The following FSTL5 variants were observed in gnomAD, a reference collection of about 807,000 sequenced individuals.
FSTL5 encodes the protein follistatin-related protein 5.
In FSTL5, 62 loss-of-function variants were observed where a neutral mutation model predicts 89.1. That is an observed-to-expected ratio of 0.70 (90% confidence interval 0.57 to 0.86). The LOEUF (loss-of-function observed/expected upper bound fraction) is 0.86. Ranked by LOEUF, FSTL5 falls within the 40% of genes least tolerant of loss-of-function variation. FSTL5 has a pLI of 0.00. For missense variants in FSTL5, 1,057 were observed against 1,001.6 expected, an observed-to-expected ratio of 1.06 and a Z score of -0.75; for synonymous variants, 383 against 346.2, an observed-to-expected ratio of 1.11 and a Z score of -1.18.
At chr4:161,510,136 C>A (rs1378779227) in intron 11 of FSTL5, among the ~76,000 whole-genome samples, 4 of 152,000 alleles carry the variant, frequency 2.6e-5, no homozygotes, top group Admixed American at 6.6e-5. Context: ...GCTTTTGTTT[C>A]TTTGGTGTAA....
At chr4:161,641,433 G>A (rs1380227640) in intron 7 of FSTL5, among the ~76,000 whole-genome samples, 3 of 108,386 alleles carry the variant, frequency 2.8e-5, no homozygotes, top group Non-Finnish European at 5.7e-5. Context: ...GGTAGGTGGA[G>A]CTGTTAAAGA....
At chr4:161,570,169 A>C (rs1207433958) in intron 8 of FSTL5, among the ~76,000 whole-genome samples, 1 of 152,154 alleles carries the variant, frequency 6.6e-6, no homozygotes, top group Non-Finnish European at 1.5e-5. Flanking sequence ...AGGTGAAAAA[A>C]CTGTGCTGTG....
At chr4:161,615,365 C>T (rs1239140174) in intron 7 of FSTL5, among the ~76,000 whole-genome samples, 1 of 140,710 alleles carries the variant, frequency 7.1e-6, no homozygotes, top group Non-Finnish European at 1.5e-5. Flanking sequence ...ACTTGGGAGG[C>T]TGAGGCAGCA....
intron 6 of FSTL5, among the ~76,000 whole-genome samples, chr4:161,697,110 A>G (rs573973773): frequency 3.5e-4 from 53 of 152,334 alleles, no homozygotes; most frequent in African/African-American, 1.2e-3. Flanking sequence ...TCAGATCTCC[A>G]TAGCACAAAG....
intron 1 of FSTL5, among the ~76,000 whole-genome samples, chr4:162,154,882 A>G (rs974992903): frequency 6.6e-6 from 1 of 152,142 alleles, no homozygotes; most frequent in African/African-American, 2.4e-5. Context: ...AGAACAGCCT[A>G]CGACATATTA....
At chr4:161,720,463 A>G (rs1739158417) in intron 6 of FSTL5, among the ~76,000 whole-genome samples, 1 of 152,158 alleles carries the variant, frequency 6.6e-6, no homozygotes, top group South Asian at 2.1e-4. Context: ...GATCAGTCAA[A>G]AAATTAAAAA....
intron 1 of FSTL5, among the ~76,000 whole-genome samples, chr4:162,111,797 T>C (rs1283271016): frequency 6.6e-6 from 1 of 152,138 alleles, no homozygotes; most frequent in Non-Finnish European, 1.5e-5. Flanking sequence ...TTGAGTATGT[T>C]TGATGAACAA....
chr4:161,778,380 T>C (rs1415365754), intron 4 of FSTL5, among the ~76,000 whole-genome samples: 4 of 152,194 alleles, frequency 2.6e-5, no homozygotes, highest in Non-Finnish European at 5.9e-5. Context: ...AACTTTATAA[T>C]TATGATCAAT....
intron 6 of FSTL5, among the ~76,000 whole-genome samples, chr4:161,677,396 A>C (rs558358154): frequency 6.6e-6 from 1 of 152,130 alleles, no homozygotes; most frequent in South Asian, 2.1e-4. Flanking sequence ...GCATAATCTA[A>C]GATTGAAATC....
chr4:162,101,028 G>A (rs908686711), intron 2 of FSTL5, among the ~76,000 whole-genome samples: 3 of 152,168 alleles, frequency 2.0e-5, no homozygotes, highest in African/African-American at 7.2e-5. Context: ...AAGGGGCCAT[G>A]GTTTTAATCC....
Position 161,992,962 on chromosome 4 carries a change from ATGTGTG to A in FSTL5, c.160+40657_160+40662del, listed in dbSNP as rs1553989566. On this transcript the variant is annotated intron_variant, in intron 3 of 15. Coordinates refer to ENST00000306100, the MANE Select transcript of FSTL5 (RefSeq NM_020116.5). ...TATATGTGTGTATATCTATATATAT[ATGTGTG>A]TATATATATATATGCAAGTAGTGAC... Among the ~76,000 whole-genome samples, 162 of 128,062 alleles carry A rather than the reference ATGTGTG, an allele frequency of 1.3e-3. 4 individuals carry two copies. The highest frequency in any genetic ancestry group is 4.6e-3 in the African/African-American group (155 of 33,918). 84.0% of individuals were successfully genotyped at this position (128,062 alleles called of 152,430 possible). A position where few individuals can be genotyped will look rare whatever the true frequency, so the allele number is the denominator to read the frequency against.
chr4:162,073,699 G>C lies in FSTL5; in HGVS notation c.126+37572C>G, dbSNP rs77048805. Among the ~76,000 whole-genome samples the C allele has an allele frequency of 6.5e-4, 98 of 151,768 alleles. No homozygotes were observed. The East Asian group carries it at 0.014, about 21-fold the overall frequency. ...ATTTTTGTCAGGGTAATATTTAATT[G>C]GTAGGGAAATTAATAGTTCTAAATC... On this transcript the variant is annotated intron_variant, in intron 2 of 15. Coordinates refer to ENST00000306100, the MANE Select transcript of FSTL5 (RefSeq NM_020116.5).
chr4:161,586,722 G>A (rs1733630131), intron 8 of FSTL5, among the ~76,000 whole-genome samples: 1 of 152,044 alleles, frequency 6.6e-6, no homozygotes, highest in Admixed American at 6.6e-5. Flanking sequence ...AGTCTACAGG[G>A]CTCCATGTGA....
rs369052783 is a variant in FSTL5 at position 161,759,551 on chromosome 4, C to T, written c.607-20G>A. The stretch of plus-strand genomic sequence containing the variant: ...TATCACCTAACAAGAAAATTATAAA[C>T]CATACCTTTAGATTTGTGTCTTAAA... On this transcript the variant is annotated intron_variant, in intron 5 of 15. Coordinates refer to ENST00000306100, the MANE Select transcript of FSTL5 (RefSeq NM_020116.5). 9.0e-6 allele frequency: 13 copies of T among 1,445,774 alleles called. No homozygotes were observed. The highest frequency in any genetic ancestry group is 2.3e-5 in the Admixed American group (1 of 42,706). The allele number at this position is 1,445,774 out of a possible 1,614,324, so 89.6% of individuals were successfully genotyped here. A position where few individuals can be genotyped will look rare whatever the true frequency, so the allele number is the denominator to read the frequency against.
intron 1 of FSTL5, among the ~76,000 whole-genome samples, chr4:162,140,001 G>A (rs930204809): frequency 1.3e-5 from 2 of 151,994 alleles, no homozygotes; most frequent in African/African-American, 2.4e-5. Context: ...AAAAGAAAAC[G>A]GTAAAAGAAA....
intron 10 of FSTL5, among the ~76,000 whole-genome samples, chr4:161,511,446 T>C (rs1172276107): frequency 6.6e-6 from 1 of 152,150 alleles, no homozygotes; most frequent in Non-Finnish European, 1.5e-5. Context: ...CAAACATAAA[T>C]ACATGATGTG....
intron 13 of FSTL5, among the ~76,000 whole-genome samples, chr4:161,465,579 C>A (rs895029320): frequency 2.0e-5 from 3 of 152,086 alleles, no homozygotes; most frequent in African/African-American, 7.2e-5. Flanking sequence ...CCACAACCGG[C>A]AGTATAATTT....
chr4:162,133,255 T>A (rs1278436129), intron 1 of FSTL5, among the ~76,000 whole-genome samples: 1 of 152,232 alleles, frequency 6.6e-6, no homozygotes, highest in East Asian at 1.9e-4. Flanking sequence ...TGAGTCTAAA[T>A]GGCATTGAAA....
intron 7 of FSTL5, among the ~76,000 whole-genome samples, chr4:161,648,715 G>A (rs1017573228): frequency 1.3e-5 from 2 of 151,984 alleles, no homozygotes; most frequent in Non-Finnish European, 2.9e-5. Context: ...AAAATTGCTA[G>A]TGCCCCTCCT....
Sources: gnomAD v4.1 joint callset for allele counts (sites outside exome capture counted in the v4.1 genomes callset) on GRCh38, gnomAD v4.1.1 for gene constraint, MANE v1.5 for transcripts, NCBI Gene and HGNC (gene_info 2026-07-23, HGNC 2026-07-21) for gene names.